Variants in UBA2 observed in about 807,000 individuals in gnomAD.
UBA2 encodes the protein SUMO-activating enzyme subunit 2.
A neutral mutation model predicts 77.2 loss-of-function variants in UBA2; 11 were observed. The ratio of observed to expected loss-of-function variants is 0.14; its 90% CI spans 0.09 to 0.24. UBA2 has a LOEUF of 0.24. Among genes scored for constraint, UBA2 ranks in the 10% least tolerant of loss-of-function variants. UBA2 has a pLI of 1.00. For missense variants in UBA2, 487 were observed against 781.7 expected (o/e 0.62, Z 4.50); for synonymous variants, 278 against 276.7 (o/e 1.00, Z -0.05).
chr19:34,465,034 A>G (rs1198956737), intron 15 of UBA2, among the ~76,000 whole-genome samples: 1 of 152,002 alleles, frequency 6.6e-6, no homozygotes, highest in Non-Finnish European at 1.5e-5. Context: ...GCAAAACTCC[A>G]TCTCAAAAAA....
At chr19:34,431,291 G>A (rs1426823824) in intron 2 of UBA2, among the ~76,000 whole-genome samples, 5 of 108,956 alleles carry the variant, frequency 4.6e-5, no homozygotes, top group Admixed American at 3.0e-4. Context: ...TCACTCTGTC[G>A]CCCCAGGCTG....
chr19:34,435,106 T>A, intron 5 of UBA2, 138 bp downstream of exon 5: 1 of 637,834 alleles, frequency 1.6e-6, no homozygotes, highest in Non-Finnish European at 2.7e-6. Context: ...ATATAAAACT[T>A]AAAATGCGGG....
intron 6 of UBA2, among the ~76,000 whole-genome samples, chr19:34,439,494 A>G (rs372280176): frequency 4.6e-5 from 7 of 152,320 alleles, no homozygotes; most frequent in African/African-American, 1.7e-4. Context: ...TTTACTAAGA[A>G]TCCAATTTAA....
At chr19:34,464,413 C>G (rs559929396) in intron 15 of UBA2, among the ~76,000 whole-genome samples, 5 of 152,054 alleles carry the variant, frequency 3.3e-5, no homozygotes, top group South Asian at 4.2e-4. Context: ...CAAAAATTAG[C>G]CGGGCATAGT....
Position 34,466,974 on chromosome 19 carries a change from C to A in UBA2, c.1701C>A (p.Thr567=), listed in dbSNP as rs199947318. ...KQAEDAAKSI[T]NGSDDGAQPS... is the part of the protein sequence containing the mutation. ...CTGAAGATGCTGCCAAAAGCATAACCAATGGCAGTGATGATGGAGCTCAGC... is the reference window on the plus strand; with the variant it reads ...CTGAAGATGCTGCCAAAAGCATAACAAATGGCAGTGATGATGGAGCTCAGC... Residue 567 remains threonine, a synonymous_variant, in exon 16 of 17, where the codon ACC becomes ACA. Transcript: ENST00000246548. 8.1e-6 allele frequency: 13 copies of A among 1,614,056 alleles called. No individual in the cohort carries two copies. In the Admixed American group the frequency reaches 1.8e-4, roughly 23 times the overall value.
At position 34,469,246 on chromosome 19, in the gene UBA2, C is replaced by T. The variant is rs748871483; in HGVS notation, c.*25C>T. 2 of 1,517,030 alleles carry T rather than the reference C, an allele frequency of 1.3e-6. No individual in the cohort carries two copies. The highest frequency in any genetic ancestry group is 2.8e-5 in the African/African-American group (2 of 70,932). The allele number at this position is 1,517,030 out of a possible 1,614,324, so 94.0% of individuals were successfully genotyped here. ...AACAGAAATGCCTCTAAACAGAACC[C>T]TCTTACTATTTAGTTTATCTGGGCA... On this transcript the variant is annotated 3_prime_UTR_variant, in exon 17 of 17. Coordinates refer to ENST00000246548, the MANE Select transcript of UBA2 (RefSeq NM_005499.3).
rs1568381612 is a variant in UBA2 at position 34,457,182 on chromosome 19, ATATATATATATATATATAT to A, written c.1246-1586_1246-1568del. On this transcript the variant is annotated intron_variant, in intron 12 of 16. Coordinates refer to ENST00000246548, the MANE Select transcript of UBA2 (RefSeq NM_005499.3). ...GGTCTCTACTAAAAAAAAAAAAAAT[ATATATATATATATATATAT>A]ATATATATATATAAAATTAGCTGGG... Among the ~76,000 whole-genome samples the A allele has an allele frequency of 2.4e-3, 207 of 85,624 alleles. 7 individuals carry two copies. The highest frequency in any genetic ancestry group is 0.011 in the African/African-American group (201 of 18,154). 56.2% of individuals were successfully genotyped at this position (85,624 alleles called of 152,430 possible). A position where few individuals can be genotyped will look rare whatever the true frequency, so the allele number is the denominator to read the frequency against.
Position 34,431,856 on chromosome 19 carries a change from T to C in UBA2, c.223-5T>C. Reference sequence around the variant, plus strand: ...GTAGTAATTCAGTGTTGTTTATTTTTCCAGGTTGCCAAGGAAAGTGTACTG... The same window carrying C: ...GTAGTAATTCAGTGTTGTTTATTTTCCCAGGTTGCCAAGGAAAGTGTACTG... On this transcript the variant is annotated splice_region_variant and splice_polypyrimidine_tract_variant and intron_variant, in intron 2 of 16. Transcript: ENST00000246548. 1 of 1,613,182 alleles carries C rather than the reference T, an allele frequency of 6.2e-7. No homozygotes were observed. Among genetic ancestry groups the C allele is most frequent in the Non-Finnish European group, 8.5e-7 (1 of 1,179,398 alleles).
chr19:34,432,058 G>A, intron 3 of UBA2, 127 bp downstream of exon 3: 1 of 649,242 alleles, frequency 1.5e-6, no homozygotes, highest in South Asian at 2.3e-5. Context: ...GGTGGTTTCT[G>A]CTTACAGAGT....
chr19:34,464,533 G>A (rs969288571), intron 15 of UBA2, among the ~76,000 whole-genome samples: 1 of 150,702 alleles, frequency 6.6e-6, no homozygotes, highest in Non-Finnish European at 1.5e-5. Flanking sequence ...ACTCCAACCT[G>A]GGAGACAGAG....
Position 34,432,927 on chromosome 19 carries a change from G to A in UBA2, c.294-421G>A, listed in dbSNP as rs536050169. 5.3e-5 allele frequency among the ~76,000 whole-genome samples: 8 copies of A among 152,260 alleles called. 1 individual carries two copies. In the South Asian group the frequency reaches 1.5e-3, roughly 28 times the overall value. Reference sequence around the variant, plus strand: ...TAGCCCTATAACCTCCTTACCCTGTGTTGCTTTCCCAGTGCTGCTAAAAAC... The same window carrying A: ...TAGCCCTATAACCTCCTTACCCTGTATTGCTTTCCCAGTGCTGCTAAAAAC... On this transcript the variant is annotated intron_variant, in intron 3 of 16. Coordinates refer to ENST00000246548, the MANE Select transcript of UBA2 (RefSeq NM_005499.3).
chr19:34,443,705 G>T, intron 6 of UBA2, 139 bp from the exon 7 acceptor site: 1 of 577,552 alleles, frequency 1.7e-6, no homozygotes, highest in Non-Finnish European at 3.1e-6. Flanking sequence ...CTCCCAAAAT[G>T]TTGGGATTAA....
In UBA2 at chr19:34,460,570, T is replaced by A; in HGVS notation, c.1498+4T>A. The A allele has an allele frequency of 6.3e-7, 1 of 1,585,322 alleles. No homozygotes were observed. The highest frequency in any genetic ancestry group is 8.6e-7 in the Non-Finnish European group (1 of 1,164,112). On this transcript the variant is annotated splice_donor_region_variant and intron_variant, in intron 14 of 16. Transcript: ENST00000246548. Reference sequence around the variant, plus strand: ...TCCGAAGAGGGAGAGACGGAAGGTATCATACATTGTATTTATTCATTCCTC... The same window carrying A: ...TCCGAAGAGGGAGAGACGGAAGGTAACATACATTGTATTTATTCATTCCTC...
intron 7 of UBA2, among the ~76,000 whole-genome samples, chr19:34,444,518 T>C (rs2075407357): frequency 6.6e-6 from 1 of 152,032 alleles, no homozygotes. Flanking sequence ...GAAACTAAGT[T>C]ACAACAGGCC....
chr19:34,457,166 T>TAAA lies in UBA2; in HGVS notation c.1246-1591_1246-1589dup, dbSNP rs569078000. 6.3e-3 allele frequency among the ~76,000 whole-genome samples: 322 copies of TAAA among 51,000 alleles called. 13 individuals carry two copies. The highest frequency in any genetic ancestry group is 0.044 in the East Asian group (45 of 1,028). The allele number at this position is 51,000 out of a possible 152,430, so 33.5% of individuals were successfully genotyped here. On this transcript the variant is annotated intron_variant, in intron 12 of 16. Transcript: ENST00000246548. ...TAACGTGGAGAAACCTGGTCTCTAC[T>TAAA]AAAAAAAAAAAAAATATATATATAT...
chr19:34,459,212 A>G (rs1465024117), intron 13 of UBA2, among the ~76,000 whole-genome samples: 1 of 152,160 alleles, frequency 6.6e-6, no homozygotes, highest in African/African-American at 2.4e-5. Context: ...CTTCCCAGGC[A>G]GTGGGTAAAT....
intron 8 of UBA2, among the ~76,000 whole-genome samples, chr19:34,446,901 C>T (rs1295976054): frequency 6.6e-6 from 1 of 152,188 alleles, no homozygotes; most frequent in East Asian, 1.9e-4. Context: ...CCGTCGTGCC[C>T]AGCCCACAGG....
At chr19:34,467,632 T>A (rs12610838) in intron 16 of UBA2, among the ~76,000 whole-genome samples, 1 of 151,966 alleles carries the variant, frequency 6.6e-6, no homozygotes, top group African/African-American at 2.4e-5. Context: ...AAAAATTAGC[T>A]GGGCGTGGCA....
At chr19:34,465,340 T>TA (rs1221713315) in intron 15 of UBA2, among the ~76,000 whole-genome samples, 1 of 152,144 alleles carries the variant, frequency 6.6e-6, no homozygotes, top group African/African-American at 2.4e-5. Context: ...ATAAAAAGCA[T>TA]AAAATGACAG....
Sources: allele counts gnomAD v4.1 joint callset (sites outside exome capture counted in the v4.1 genomes callset), GRCh38; gene constraint gnomAD v4.1.1; transcripts MANE v1.5; gene names NCBI Gene and HGNC (gene_info 2026-07-23, HGNC 2026-07-21).